The following CAB39 variants were observed in gnomAD, a reference collection of about 807,000 sequenced individuals.
CAB39 encodes calcium-binding protein 39.
CAB39 carries 8 observed loss-of-function variants against 40.0 expected under a neutral mutation model. The observed-to-expected ratio is 0.20, with a 90% CI of 0.12 to 0.36. The LOEUF (loss-of-function observed/expected upper bound fraction) is 0.36, where lower values mean the gene tolerates loss of function less well. Ranked by LOEUF, CAB39 falls within the 10% of genes least tolerant of loss-of-function variation. The pLI is 1.00. For missense variants in CAB39, 270 were observed against 401.1 expected (o/e 0.67, Z 2.79); for synonymous variants, 156 against 141.6 (o/e 1.10, Z -0.72).
At chr2:230,773,460 A>G (rs976210672) in intron 2 of CAB39, among the ~76,000 whole-genome samples, 2 of 152,126 alleles carry the variant, frequency 1.3e-5, no homozygotes, top group Non-Finnish European at 2.9e-5. Context: ...CTTAGAAACC[A>G]TAAAGCACCC....
At chr2:230,802,332 C>T (rs997355027) in intron 5 of CAB39, among the ~76,000 whole-genome samples, 2 of 151,878 alleles carry the variant, frequency 1.3e-5, no homozygotes, top group African/African-American at 4.8e-5. Flanking sequence ...AAATTGACAC[C>T]CAAATATCAC....
At chr2:230,766,674 A>T (rs544058331) in intron 2 of CAB39, among the ~76,000 whole-genome samples, 1 of 152,224 alleles carries the variant, frequency 6.6e-6, no homozygotes, top group Non-Finnish European at 1.5e-5. Flanking sequence ...GACTACAAGC[A>T]TGTGCCACCA....
intron 5 of CAB39, among the ~76,000 whole-genome samples, chr2:230,799,284 G>A (rs577427660): frequency 6.6e-6 from 1 of 152,250 alleles, no homozygotes; most frequent in South Asian, 2.1e-4. Flanking sequence ...ATGTTAATTT[G>A]GAATATACAC....
intron 1 of CAB39, among the ~76,000 whole-genome samples, chr2:230,740,651 G>C (rs1231541086): frequency 6.6e-6 from 1 of 152,060 alleles, no homozygotes; most frequent in Non-Finnish European, 1.5e-5. Flanking sequence ...GGACAACCTA[G>C]ATCCCTCGAA....
At chr2:230,817,119 GT>G (rs758645366) in intron 7 of CAB39, among the ~76,000 whole-genome samples, 1 of 152,130 alleles carries the variant, frequency 6.6e-6, no homozygotes, top group African/African-American at 2.4e-5. Context: ...GTAAACAGAT[GT>G]TTTTTTAGCA....
chr2:230,785,254 G>C (rs1430132727), intron 2 of CAB39, among the ~76,000 whole-genome samples: 3 of 152,134 alleles, frequency 2.0e-5, no homozygotes, highest in African/African-American at 7.2e-5. Context: ...GCAGGTCAGT[G>C]ACTAGCCAAA....
chr2:230,814,013 G>GAAAAA, intron 6 of CAB39, 36 bp from the exon 7 acceptor site: 3 of 128,482 alleles, frequency 2.3e-5, no homozygotes, highest in Non-Finnish European at 4.0e-5. Flanking sequence ...TTTTTTTTTT[G>GAAAAA]GCAATAACCC....
intron 1 of CAB39, among the ~76,000 whole-genome samples, chr2:230,747,823 C>T (rs1695002581): frequency 6.6e-6 from 1 of 152,216 alleles, no homozygotes; most frequent in Admixed American, 6.5e-5. Context: ...CTAGCTATTT[C>T]ATCTGTCCCC....
At chr2:230,732,965 A>T (rs901912802) in intron 1 of CAB39, among the ~76,000 whole-genome samples, 1 of 152,162 alleles carries the variant, frequency 6.6e-6, no homozygotes, top group Admixed American at 6.5e-5. Flanking sequence ...ACTGACAATT[A>T]AAAAAAATTT....
intron 5 of CAB39, among the ~76,000 whole-genome samples, chr2:230,808,590 A>G (rs1408185656): frequency 6.6e-6 from 1 of 151,894 alleles, no homozygotes; most frequent in African/African-American, 2.4e-5. Context: ...CTGGAGGGGA[A>G]ACGTTGTAGC....
At chr2:230,743,453 A>G (rs551016526) in intron 1 of CAB39, among the ~76,000 whole-genome samples, 81 of 152,370 alleles carry the variant, frequency 5.3e-4, no homozygotes, top group Non-Finnish European at 8.7e-4. Context: ...AAGTGTGAAG[A>G]AAATACGTAT....
chr2:230,765,662 A>G (rs1175342224), intron 2 of CAB39, among the ~76,000 whole-genome samples: 7 of 152,074 alleles, frequency 4.6e-5, no homozygotes, highest in Admixed American at 3.3e-4. Flanking sequence ...GTGATTTTCA[A>G]CCAGGGGCAA....
intron 2 of CAB39, among the ~76,000 whole-genome samples, chr2:230,771,720 T>C (rs1377346790): frequency 1.3e-5 from 2 of 152,204 alleles, no homozygotes; most frequent in African/African-American, 4.8e-5. Flanking sequence ...AAGCTACGGT[T>C]GTTAAAACAG....
intron 1 of CAB39, among the ~76,000 whole-genome samples, chr2:230,718,624 C>T (rs981039776): frequency 1.3e-5 from 2 of 152,066 alleles, no homozygotes; most frequent in Non-Finnish European, 2.9e-5. Context: ...GGTTGTAGGA[C>T]GATTAAATGA....
At position 230,786,129 on chromosome 2, in the gene CAB39, A is replaced by ACT. The variant is rs934672870; in HGVS notation, c.115-4741_115-4740dup. Among the ~76,000 whole-genome samples the ACT allele has an allele frequency of 5.9e-5, 8 of 136,308 alleles. No homozygotes were observed. The Admixed American group carries it at 6.5e-4, about 11-fold the overall frequency. 89.4% of individuals were successfully genotyped at this position (136,308 alleles called of 152,430 possible). A position where few individuals can be genotyped will look rare whatever the true frequency, so the allele number is the denominator to read the frequency against. On this transcript the variant is annotated intron_variant, in intron 2 of 8. Coordinates refer to ENST00000258418, the MANE Select transcript of CAB39 (RefSeq NM_016289.4). The stretch of plus-strand genomic sequence containing the variant: ...CAGTGAGCCAAGATTGCGCCACTGC[A>ACT]CTCCAGCCTGGGTGACAGAGCAAGA...
chr2:230,781,406 T>G (rs1487294970), intron 2 of CAB39, among the ~76,000 whole-genome samples: 1 of 152,136 alleles, frequency 6.6e-6, no homozygotes, highest in East Asian at 1.9e-4. Context: ...ACATGGTGTA[T>G]TGGTGAACCG....
chr2:230,795,783 C>T (rs1427460324), intron 4 of CAB39, among the ~76,000 whole-genome samples: 10 of 152,090 alleles, frequency 6.6e-5, no homozygotes, highest in Admixed American at 6.5e-4. Context: ...TAAAGAAGAA[C>T]CCTTCTTCCT....
chr2:230,775,680 ATTGGAG>A (rs143153784), intron 2 of CAB39, among the ~76,000 whole-genome samples: 6,070 of 152,226 alleles, frequency 0.04, 408 homozygotes, highest in African/African-American at 0.14. Context: ...AGTGGTGCGC[ATTGGAG>A]TTAACGTTTT....
At chr2:230,765,757 G>A (rs1453859234) in intron 2 of CAB39, among the ~76,000 whole-genome samples, 1 of 152,058 alleles carries the variant, frequency 6.6e-6, no homozygotes, top group African/African-American at 2.4e-5. Flanking sequence ...CATCTAGTTA[G>A]TACAGGCTAG....
Sources: gnomAD v4.1 joint callset for allele counts (sites outside exome capture counted in the v4.1 genomes callset) on GRCh38, gnomAD v4.1.1 for gene constraint, MANE v1.5 for transcripts, NCBI Gene and HGNC (gene_info 2026-07-23, HGNC 2026-07-21) for gene names.